The following TMTC1 variants were observed in gnomAD, a reference collection of about 807,000 sequenced individuals.
The protein encoded by TMTC1 is protein O-mannosyl-transferase TMTC1.
TMTC1 carries 73 observed loss-of-function variants against 104.8 expected under a neutral mutation model. The observed-to-expected ratio is 0.70, with a 90% CI of 0.58 to 0.85. The LOEUF is 0.85. Among genes scored for constraint, TMTC1 ranks in the 40% least tolerant of loss-of-function variants. TMTC1 has a pLI of 0.00. For missense variants in TMTC1, 1,035 were observed against 1,096.1 expected, an observed-to-expected ratio of 0.94 and a Z score of 0.79; for synonymous variants, 434 against 428.7, an observed-to-expected ratio of 1.01 and a Z score of -0.15.
intron 5 of TMTC1, among the ~76,000 whole-genome samples, chr12:29,721,891 A>G (rs1942246742): frequency 6.6e-6 from 1 of 152,006 alleles, no homozygotes; most frequent in East Asian, 1.9e-4. Flanking sequence ...TCACATTAAC[A>G]TAAATTTTAT....
intron 10 of TMTC1, among the ~76,000 whole-genome samples, chr12:29,546,447 A>G (rs554097353): frequency 7.2e-5 from 11 of 152,150 alleles, no homozygotes; most frequent in South Asian, 2.1e-4. Flanking sequence ...GTCACCAAGA[A>G]GGGAAGGGGC....
intron 11 of TMTC1, among the ~76,000 whole-genome samples, chr12:29,525,549 G>A (rs376149579): frequency 2.7e-4 from 41 of 151,032 alleles, no homozygotes; most frequent in African/African-American, 9.4e-4. Context: ...GACCATGAAG[G>A]GTTTGATTGT....
At chr12:29,598,616 T>C (rs1655845297) in intron 7 of TMTC1, among the ~76,000 whole-genome samples, 1 of 152,270 alleles carries the variant, frequency 6.6e-6, no homozygotes, top group African/African-American at 2.4e-5. Flanking sequence ...CTTCCATTTC[T>C]TTCATTGATG....
intron 5 of TMTC1, among the ~76,000 whole-genome samples, chr12:29,642,588 C>G (rs113869089): frequency 0.056 from 8,584 of 152,066 alleles, 285 homozygotes; most frequent in African/African-American, 0.074. Flanking sequence ...CTGCTAAAAG[C>G]GGCTCTAAAT....
chr12:29,673,634 T>TGTTTATATATTTA (rs1940602076), intron 5 of TMTC1, among the ~76,000 whole-genome samples: 1 of 151,486 alleles, frequency 6.6e-6, no homozygotes, highest in Non-Finnish European at 1.5e-5. Flanking sequence ...TTTATTTATA[T>TGTTTATATATTTA]TTTACTTATC....
chr12:29,702,321 G>A (rs1007884824), intron 5 of TMTC1, among the ~76,000 whole-genome samples: 17 of 152,148 alleles, frequency 1.1e-4, no homozygotes, highest in Non-Finnish European at 2.2e-4. Flanking sequence ...AGTTATCTCT[G>A]TCTAATAAAT....
intron 5 of TMTC1, among the ~76,000 whole-genome samples, chr12:29,671,964 A>G (rs1429897698): frequency 6.6e-6 from 1 of 152,208 alleles, no homozygotes; most frequent in Admixed American, 6.5e-5. Flanking sequence ...CGAAGCAATG[A>G]CAGCTCTCTG....
chr12:29,664,910 A>G (rs907893932), intron 5 of TMTC1, among the ~76,000 whole-genome samples: 3 of 152,236 alleles, frequency 2.0e-5, no homozygotes, highest in African/African-American at 7.2e-5. Context: ...AAACCAGACC[A>G]CTGATGAAAC....
At chr12:29,755,643 A>T in intron 4 of TMTC1, 66 bp downstream of exon 4, 1 of 995,980 alleles carries the variant, frequency 1.0e-6, no homozygotes, top group Non-Finnish European at 1.4e-6. Flanking sequence ...GAAGTTTGGA[A>T]ACTATTAAGT....
At chr12:29,508,203 G>A (rs1943742567) in intron 17 of TMTC1, among the ~76,000 whole-genome samples, 1 of 152,182 alleles carries the variant, frequency 6.6e-6, no homozygotes, top group Non-Finnish European at 1.5e-5. Context: ...AGATATCCAG[G>A]CACTGGCATG....
intron 5 of TMTC1, among the ~76,000 whole-genome samples, chr12:29,691,770 G>A (rs1941275996): frequency 7.0e-6 from 1 of 142,254 alleles, no homozygotes; most frequent in Non-Finnish European, 1.5e-5. Flanking sequence ...CTGGAGGTCT[G>A]AGAGAGGACA....
chr12:29,698,147 T>C (rs1420785712), intron 5 of TMTC1, among the ~76,000 whole-genome samples: 1 of 152,162 alleles, frequency 6.6e-6, no homozygotes, highest in East Asian at 1.9e-4. Flanking sequence ...GAGTTTTCAT[T>C]CACTAAACTC....
intron 5 of TMTC1, among the ~76,000 whole-genome samples, chr12:29,633,628 C>A (rs1938408864): frequency 6.6e-6 from 1 of 152,122 alleles, no homozygotes; most frequent in Admixed American, 6.6e-5. Flanking sequence ...AAACATATTA[C>A]AACTGGAAAT....
rs552329454 is a variant in TMTC1, at chr12:29,657,849, T to C, written c.939-24513A>G. On this transcript the variant is annotated intron_variant, in intron 5 of 17. Transcript: ENST00000539277. ...GGCTGGGCACGGTGGTTCACACCTGTAATCCCAGCACTTGGAGAGGCTGAG... is the reference window on the plus strand; with the variant it reads ...GGCTGGGCACGGTGGTTCACACCTGCAATCCCAGCACTTGGAGAGGCTGAG... 2.3e-3 allele frequency among the ~76,000 whole-genome samples: 355 copies of C among 152,290 alleles called. 2 individuals are homozygous for C. The highest frequency in any genetic ancestry group is 8.2e-3 in the African/African-American group (342 of 41,576).
intron 5 of TMTC1, among the ~76,000 whole-genome samples, chr12:29,659,585 G>A (rs1041779816): frequency 6.6e-6 from 1 of 152,008 alleles, no homozygotes; most frequent in Non-Finnish European, 1.5e-5. Context: ...CCAAATAAAC[G>A]CTTTTCTTTA....
rs71444332 is a variant in TMTC1 at position 29,646,063 on chromosome 12, TG to T, written c.939-12728del. On this transcript the variant is annotated intron_variant, in intron 5 of 17. Transcript: ENST00000539277. Reference sequence around the variant, plus strand: ...AAATACACTTGTCCATGGCATCATATGGTCTCCCATTAGCATTTCTTTATCA... The same window carrying T: ...AAATACACTTGTCCATGGCATCATATGTCTCCCATTAGCATTTCTTTATCA... Among the ~76,000 whole-genome samples the T allele has an allele frequency of 8.7e-3, 1,329 of 152,252 alleles. 7 individuals carry two copies. The highest frequency in any genetic ancestry group is 0.013 in the Admixed American group (192 of 15,290).
At chr12:29,512,797 T>C (rs1322647079) in intron 16 of TMTC1, among the ~76,000 whole-genome samples, 1 of 152,214 alleles carries the variant, frequency 6.6e-6, no homozygotes, top group Non-Finnish European at 1.5e-5. Flanking sequence ...ACATTATGCA[T>C]GTTTTGTATC....
intron 5 of TMTC1, among the ~76,000 whole-genome samples, chr12:29,737,353 T>C (rs1021046695): frequency 1.3e-5 from 2 of 152,052 alleles, no homozygotes; most frequent in Admixed American, 6.5e-5. Flanking sequence ...ACCCCGTCTC[T>C]ACTAAAAATA....
intron 5 of TMTC1, among the ~76,000 whole-genome samples, chr12:29,675,375 T>G (rs2033040): frequency 0.55 from 83,747 of 152,066 alleles, 23,310 homozygotes; most frequent in African/African-American, 0.63. Flanking sequence ...TTTCATCCAG[T>G]GTGACCAACC....
Sources: gnomAD v4.1 joint callset for allele counts (sites outside exome capture counted in the v4.1 genomes callset) on GRCh38, gnomAD v4.1.1 for gene constraint, MANE v1.5 for transcripts, NCBI Gene and HGNC (gene_info 2026-07-23, HGNC 2026-07-21) for gene names.